Variants in ANKRD33B observed in about 807,000 individuals in gnomAD.
The protein encoded by ANKRD33B is ankyrin repeat domain-containing protein 33B.
Under a neutral mutation model 21.5 loss-of-function variants are expected in ANKRD33B, and 6 were observed. That is an observed-to-expected ratio of 0.28 (90% CI 0.15 to 0.55). ANKRD33B has a LOEUF of 0.55. ANKRD33B is among the 20% of genes least tolerant of loss of function. The pLI is 0.94. For missense variants in ANKRD33B, 698 were observed against 747.2 expected, an observed-to-expected ratio of 0.93 and a Z score of 0.77; for synonymous variants, 347 against 342.4, an observed-to-expected ratio of 1.01 and a Z score of -0.15.
At chr5:10,647,526 G>A (rs944571823) in intron 3 of ANKRD33B, among the ~76,000 whole-genome samples, 4 of 152,210 alleles carry the variant, frequency 2.6e-5, no homozygotes, top group African/African-American at 9.6e-5. Context: ...ATCAAGTTGA[G>A]TTGAAGTTTA....
intron 1 of ANKRD33B, among the ~76,000 whole-genome samples, chr5:10,617,738 A>C (rs1736318469): frequency 6.6e-6 from 1 of 150,828 alleles, no homozygotes; most frequent in African/African-American, 2.4e-5. Flanking sequence ...GACCCGGGTT[A>C]CTCCTCCTCT....
rs966903636 is a variant in ANKRD33B, at chr5:10,649,256, C to T, written c.638-10C>T. On this transcript the variant is annotated splice_polypyrimidine_tract_variant and intron_variant, in intron 3 of 3. Coordinates refer to ENST00000296657, the MANE Select transcript of ANKRD33B (RefSeq NM_001164440.2). ...GCCACCCACTTCTGTTTGTGTTTTG[C>T]GTTTTGCAGGGGCGGATGTCCACGC... 81 of 1,510,750 alleles carry T rather than the reference C, an allele frequency of 5.4e-5. No individual in the cohort carries two copies. The Admixed American group carries it at 1.6e-3, about 30-fold the overall frequency. 93.6% of individuals were successfully genotyped at this position (1,510,750 alleles called of 1,614,324 possible).
At chr5:10,565,887 A>G (rs1303450448) in intron 1 of ANKRD33B, among the ~76,000 whole-genome samples, 3 of 152,226 alleles carry the variant, frequency 2.0e-5, no homozygotes, top group Non-Finnish European at 2.9e-5. Context: ...AGGAGCCTGC[A>G]GCTGACAGAA....
rs1452304768 is a variant in ANKRD33B at position 10,618,231 on chromosome 5, T to A, written c.367-102T>A. 6.8e-6 allele frequency: 10 copies of A among 1,462,982 alleles called. No homozygotes were observed. The East Asian group carries it at 1.5e-4, about 22-fold the overall frequency. 90.6% of individuals were successfully genotyped at this position (1,462,982 alleles called of 1,614,324 possible). ...ACTCCAGGTCCCTGTCATTGCCTTGTCCAGCCCCCTGGAGGGTAGTGGGTG... is the reference window on the plus strand; with the variant it reads ...ACTCCAGGTCCCTGTCATTGCCTTGACCAGCCCCCTGGAGGGTAGTGGGTG... On this transcript the variant is annotated intron_variant, in intron 1 of 3. Coordinates refer to ENST00000296657, the MANE Select transcript of ANKRD33B (RefSeq NM_001164440.2).
chr5:10,624,625 C>T, intron 2 of ANKRD33B: 2 of 403,348 alleles, frequency 5.0e-6, no homozygotes, highest in Non-Finnish European at 9.9e-6. Flanking sequence ...AGGGACTTTA[C>T]ACCATTTAAA....
chr5:10,641,354 G>A (rs973209394), intron 3 of ANKRD33B, among the ~76,000 whole-genome samples: 6 of 149,542 alleles, frequency 4.0e-5, no homozygotes, highest in Admixed American at 6.7e-5. Context: ...TCAGCCTCCC[G>A]AGTAGCTGGG....
At chr5:10,574,861 CTTAA>C in intron 1 of ANKRD33B, among the ~76,000 whole-genome samples, 1 of 11,728 alleles carries the variant, frequency 8.5e-5, no homozygotes, top group Non-Finnish European at 4.9e-4. Context: ...GGGAGAGCTG[CTTAA>C]GGCCAGGTGC....
chr5:10,586,427 A>G (rs1735560824), intron 1 of ANKRD33B, among the ~76,000 whole-genome samples: 1 of 151,050 alleles, frequency 6.6e-6, no homozygotes, highest in Admixed American at 6.6e-5. Flanking sequence ...ACTTGATTGG[A>G]AGTTCTTGTT....
At chr5:10,596,449 C>G (rs1735818840) in intron 1 of ANKRD33B, among the ~76,000 whole-genome samples, 1 of 152,132 alleles carries the variant, frequency 6.6e-6, no homozygotes, top group Admixed American at 6.5e-5. Flanking sequence ...ATTAGTTTGC[C>G]AAGGATAATG....
intron 1 of ANKRD33B, among the ~76,000 whole-genome samples, chr5:10,581,823 G>A (rs921276814): frequency 6.6e-6 from 1 of 152,212 alleles, no homozygotes; most frequent in Non-Finnish European, 1.5e-5. Flanking sequence ...TCCTGCCTGA[G>A]TTTCCAGCCT....
At chr5:10,607,060 A>C (rs1198824192) in intron 1 of ANKRD33B, among the ~76,000 whole-genome samples, 1 of 152,032 alleles carries the variant, frequency 6.6e-6, no homozygotes, top group Non-Finnish European at 1.5e-5. Context: ...GTGCCCAATC[A>C]AGTATCAAAG....
At chr5:10,633,245 G>A (rs1736773428) in intron 2 of ANKRD33B, among the ~76,000 whole-genome samples, 2 of 151,838 alleles carry the variant, frequency 1.3e-5, no homozygotes, top group South Asian at 2.1e-4. Flanking sequence ...GGGACTACAG[G>A]TGCACGCCAC....
intron 1 of ANKRD33B, among the ~76,000 whole-genome samples, chr5:10,586,464 A>T (rs1281518537): frequency 6.7e-6 from 1 of 149,344 alleles, no homozygotes; most frequent in Admixed American, 6.7e-5. Context: ...TGAGAATACG[A>T]TGTGCGTTGG....
At chr5:10,643,709 A>T (rs1254924199) in intron 3 of ANKRD33B, among the ~76,000 whole-genome samples, 2 of 151,330 alleles carry the variant, frequency 1.3e-5, no homozygotes, top group Non-Finnish European at 2.9e-5. Context: ...AATCCCAGCC[A>T]CTCGGGAGGC....
At chr5:10,599,316 A>G (rs957806178) in intron 1 of ANKRD33B, among the ~76,000 whole-genome samples, 4 of 152,146 alleles carry the variant, frequency 2.6e-5, no homozygotes, top group Non-Finnish European at 4.4e-5. Context: ...AGTTTGGGGC[A>G]TATTCCATTA....
At chr5:10,643,483 C>G (rs1737111262) in intron 3 of ANKRD33B, among the ~76,000 whole-genome samples, 1 of 152,010 alleles carries the variant, frequency 6.6e-6, no homozygotes, top group Non-Finnish European at 1.5e-5. Context: ...CCTCTGTGTA[C>G]TCTTCCTCGC....
At chr5:10,572,471 T>C (rs1187711348) in intron 1 of ANKRD33B, among the ~76,000 whole-genome samples, 1 of 152,134 alleles carries the variant, frequency 6.6e-6, no homozygotes, top group African/African-American at 2.4e-5. Flanking sequence ...AGCCCTGTGA[T>C]GTGGATGTGG....
chr5:10,608,302 G>A (rs1490862514), intron 1 of ANKRD33B, among the ~76,000 whole-genome samples: 1 of 150,808 alleles, frequency 6.6e-6, no homozygotes, highest in Non-Finnish European at 1.5e-5. Context: ...ACATTGCAGT[G>A]AGCCAAGATT....
chr5:10,580,237 G>T (rs1356490584), intron 1 of ANKRD33B, among the ~76,000 whole-genome samples: 1 of 152,226 alleles, frequency 6.6e-6, no homozygotes, highest in Non-Finnish European at 1.5e-5. Context: ...ATGAGGGGCT[G>T]AGTCTTTTAA....
Sources: allele counts gnomAD v4.1 joint callset (sites outside exome capture counted in the v4.1 genomes callset), GRCh38; gene constraint gnomAD v4.1.1; transcripts MANE v1.5; gene names NCBI Gene and HGNC (gene_info 2026-07-23, HGNC 2026-07-21).